The following SDAD1 variants were observed in gnomAD, a reference collection of about 807,000 sequenced individuals.
SDAD1 encodes SDA1 domain containing 1, also known as protein SDA1 homolog.
A neutral mutation model predicts 100.3 loss-of-function variants in SDAD1; 79 were observed. The ratio of observed to expected loss-of-function variants is 0.79; its 90% confidence interval spans 0.66 to 0.95. SDAD1 has a LOEUF of 0.95. SDAD1 is among the 40% of genes least tolerant of loss of function. SDAD1 has a pLI of 0.00. For synonymous variants in SDAD1, 267 were observed against 271.4 expected, an observed-to-expected ratio of 0.98 and a Z score of 0.16; for missense variants, 790 against 810.9, an observed-to-expected ratio of 0.97 and a Z score of 0.31.
At chr4:75,978,696 C>T (rs1285356590) in intron 3 of SDAD1, among the ~76,000 whole-genome samples, 1 of 152,050 alleles carries the variant, frequency 6.6e-6, no homozygotes, top group Non-Finnish European at 1.5e-5. Context: ...AAGGGCAAGG[C>T]TGGGCATGGT....
chr4:75,974,280 T>A, intron 6 of SDAD1, 147 bp from the exon 7 acceptor site: 1 of 654,114 alleles, frequency 1.5e-6, no homozygotes, highest in Non-Finnish European at 2.7e-6. Context: ...TACGAGTTGC[T>A]AAATTACTTA....
intron 7 of SDAD1, 68 bp from the exon 8 acceptor site, chr4:75,973,459 T>C (rs2149322171): frequency 8.9e-7 from 1 of 1,126,128 alleles, no homozygotes; most frequent in South Asian, 1.2e-5. Flanking sequence ...TCCTTTTGAG[T>C]ATGCTTTATA....
intron 1 of SDAD1, among the ~76,000 whole-genome samples, chr4:75,987,325 C>T (rs1730960687): frequency 1.3e-5 from 2 of 152,200 alleles, no homozygotes; most frequent in African/African-American, 4.8e-5. Flanking sequence ...CACTAGTCTA[C>T]TTTCCATCCA....
At chr4:75,952,725 C>A (rs910717434) in intron 21 of SDAD1, among the ~76,000 whole-genome samples, 1 of 152,136 alleles carries the variant, frequency 6.6e-6, no homozygotes. Context: ...AGGGTAGCCA[C>A]TAACTACATG....
chr4:75,961,999 T>C (rs1655674738), intron 14 of SDAD1, among the ~76,000 whole-genome samples: 1 of 152,226 alleles, frequency 6.6e-6, no homozygotes, highest in Non-Finnish European at 1.5e-5. Flanking sequence ...GCTGCACCCA[T>C]TAACTCGTCA....
At chr4:75,968,376 T>C (rs1729667675) in intron 11 of SDAD1, among the ~76,000 whole-genome samples, 1 of 151,836 alleles carries the variant, frequency 6.6e-6, no homozygotes, top group South Asian at 2.1e-4. Context: ...TTGAAAAGTG[T>C]TTTTCTTTTC....
At chr4:75,974,213 T>G in intron 6 of SDAD1, 80 bp from the exon 7 acceptor site, 1 of 1,137,132 alleles carries the variant, frequency 8.8e-7, no homozygotes, top group Non-Finnish European at 1.3e-6. Flanking sequence ...ACAAAATAAA[T>G]GATATAACAA....
At chr4:75,967,176 A>G (rs754737780) in intron 12 of SDAD1, 101 bp downstream of exon 12, 25 of 1,084,344 alleles carry the variant, frequency 2.3e-5, no homozygotes, top group Non-Finnish European at 1.8e-5. Context: ...TCTAATGTAG[A>G]GCACACTGCA....
Position 75,981,389 on chromosome 4 carries a change from C to T in SDAD1, c.277G>A (p.Asp93Asn), listed in dbSNP as rs1730501018. 1 of 1,613,834 alleles carries T rather than the reference C, an allele frequency of 6.2e-7. No homozygotes were observed. The highest frequency in any genetic ancestry group is 1.3e-5 in the African/African-American group (1 of 75,036). ...GGTCCTACCATTCGCAGATCTGGAT[C>T]CAATACGGTATGATTGCAGGAGAGA... The part of the protein sequence containing the change: ...DLLSCNHTVL[D>N]PDLRMTFCKA... Residue 93 changes from aspartate to asparagine, a missense_variant, in exon 3 of 22, where the codon GAT becomes AAT. Transcript: ENST00000356260.
At position 75,981,407 on chromosome 4, in the gene SDAD1, A is replaced by C. The variant is rs1307475292; in HGVS notation, c.259T>G (p.Cys87Gly). ...TCTGGATCCAATACGGTATGATTGC[A>C]GGAGAGAAGATCTTTCACCTCTTGA... ...FPQEVKDLLS[C>G]NHTVLDPDLR... is the part of the protein sequence containing the mutation. The change falls in exon 3 of 22, where the codon TGC (cysteine) becomes GGC (glycine). Residue 87 changes from cysteine (C) to glycine (G), a missense_variant. Coordinates refer to ENST00000356260, the MANE Select transcript of SDAD1 (RefSeq NM_018115.4). 1.9e-6 allele frequency: 3 copies of C among 1,613,788 alleles called. No homozygotes were observed. The African/African-American group carries it at 4.0e-5, about 22-fold the overall frequency.
Position 75,969,384 on chromosome 4 carries a change from A to T in SDAD1, c.899T>A (p.Leu300Gln), listed in dbSNP as rs781311356. Residue 300 changes from leucine to glutamine, a missense_variant, in exon 11 of 22, where the codon CTA becomes CAA. Transcript: ENST00000356260. ...CTTACAGCACTCAAGCTGCTTTAGT[A>T]GTTTTTCCGCAAAATCTGGCAAGGA... ...IHDPQDFAEKLLKQLECCKER... is the reference protein window; with the variant it reads ...IHDPQDFAEKQLKQLECCKER... 1 of 1,613,382 alleles carries T rather than the reference A, an allele frequency of 6.2e-7. No homozygotes were observed. Among genetic ancestry groups the T allele is most frequent in the South Asian group, 1.1e-5 (1 of 90,948 alleles).
At position 75,956,103 on chromosome 4, in the gene SDAD1, T is replaced by G; in HGVS notation, c.1888A>C (p.Lys630Gln). Residue 630 changes from lysine (K) to glutamine (Q), a missense_variant, in exon 21 of 22, where the codon AAG (lysine) becomes CAG (glutamine). Transcript: ENST00000356260. ...GKTDRKEFVR[K>Q]KTKTNPFSSS... ...GAAAATGGATTTGTTTTGGTTTTCT[T>G]CCTCACAAATTCTTTTCGGTCTGTC... 1.9e-6 allele frequency: 3 copies of G among 1,608,296 alleles called. No homozygotes were observed. Among genetic ancestry groups the G allele is most frequent in the Non-Finnish European group, 2.5e-6 (3 of 1,178,750 alleles).
rs1333183825 is a variant in SDAD1, at chr4:75,975,980, T to C, written c.421A>G (p.Ile141Val). Residue 141 changes from isoleucine to valine, a missense_variant, in exon 5 of 22, where the codon ATT (isoleucine) becomes GTT (valine). Physicochemically the swap from Ile to Val is conservative, Grantham distance 29 (BLOSUM62 3). Coordinates refer to ENST00000356260, the MANE Select transcript of SDAD1 (RefSeq NM_018115.4). ...TTTATATTCTTGATATCAGTCACAATATGTGTGTATAAAGTCTGAGGAAAA... is the reference window on the plus strand; with the variant it reads ...TTTATATTCTTGATATCAGTCACAACATGTGTGTATAAAGTCTGAGGAAAA... ...KLLRKTLYTH[I>V]VTDIKNINAK... 2 of 1,598,378 alleles carry C rather than the reference T, an allele frequency of 1.3e-6. No individual in the cohort carries two copies. The highest frequency in any genetic ancestry group is 1.3e-5 in the African/African-American group (1 of 74,706).
intron 6 of SDAD1, among the ~76,000 whole-genome samples, chr4:75,974,737 G>C (rs1221012776): frequency 1.4e-5 from 2 of 143,164 alleles, no homozygotes; most frequent in Non-Finnish European, 3.1e-5. Context: ...AAATAATCGA[G>C]AATTTAAAAA....
At chr4:75,976,694 C>T (rs1357434747) in intron 4 of SDAD1, among the ~76,000 whole-genome samples, 4 of 151,964 alleles carry the variant, frequency 2.6e-5, no homozygotes, top group South Asian at 2.1e-4. Context: ...GAATTGTACA[C>T]TTTAAGTGGA....
intron 1 of SDAD1, among the ~76,000 whole-genome samples, chr4:75,983,097 T>A (rs995066619): frequency 1.2e-5 from 1 of 86,124 alleles, no homozygotes; most frequent in African/African-American, 5.3e-5. Context: ...TCCAGCTTCA[T>A]CCATGTCCCT....
intron 14 of SDAD1, among the ~76,000 whole-genome samples, chr4:75,962,417 T>A (rs1481365474): frequency 6.6e-6 from 1 of 152,228 alleles, no homozygotes; most frequent in African/African-American, 2.4e-5. Context: ...TATACCCAGT[T>A]ATGGGATGGC....
chr4:75,959,341 C>T (rs924292135), intron 17 of SDAD1, among the ~76,000 whole-genome samples: 11 of 152,166 alleles, frequency 7.2e-5, no homozygotes, highest in East Asian at 3.9e-4. Context: ...CACTGGCTCA[C>T]GCCTGTAATC....
rs139586231 is a variant in SDAD1 at position 75,965,768 on chromosome 4, G to T, written c.1100C>A (p.Pro367Gln). 6.2e-7 allele frequency: 1 copy of T among 1,612,894 alleles called. No individual in the cohort carries two copies. Among genetic ancestry groups the T allele is most frequent in the Admixed American group, 1.7e-5 (1 of 59,972 alleles). ...AAQASHHLVPPEIIQSLLMTV... is the reference protein window; with the variant it reads ...AAQASHHLVPQEIIQSLLMTV... ...AGTCAGGTTACAGGTTCTCACCTCT[G>T]GGGGTACTAGGTGATGAGATGCTTG... Residue 367 changes from proline (P) to glutamine (Q), a missense_variant, in exon 13 of 22, where the codon CCA (proline) becomes CAA (glutamine). Transcript: ENST00000356260.
Sources: allele counts gnomAD v4.1 joint callset (sites outside exome capture counted in the v4.1 genomes callset), GRCh38; gene constraint gnomAD v4.1.1; transcripts MANE v1.5; gene names NCBI Gene and HGNC (gene_info 2026-07-23, HGNC 2026-07-21).